The following MACROD2 variants were observed in gnomAD, a reference collection of about 807,000 sequenced individuals.
MACROD2 encodes the protein mono-ADP ribosylhydrolase 2, also known as ADP-ribose glycohydrolase MACROD2.
A neutral mutation model predicts 70.4 loss-of-function variants in MACROD2; 36 were observed. That is an observed-to-expected ratio of 0.51 (90% CI 0.39 to 0.68). MACROD2 has a LOEUF of 0.68. MACROD2 is among the 30% of genes least tolerant of loss of function. The pLI is 0.00. For missense variants in MACROD2, 496 were observed against 538.4 expected (o/e 0.92, Z 0.78); for synonymous variants, 172 against 178.8 (o/e 0.96, Z 0.30).
At chr20:15,664,959 T>G (rs565311284) in intron 8 of MACROD2, among the ~76,000 whole-genome samples, 3 of 152,200 alleles carry the variant, frequency 2.0e-5, no homozygotes, top group Non-Finnish European at 4.4e-5. Flanking sequence ...TGCACTGTTA[T>G]GATAGGGCAT....
intron 9 of MACROD2, among the ~76,000 whole-genome samples, chr20:15,865,648 G>C (rs1160834198): frequency 6.6e-6 from 1 of 152,134 alleles, no homozygotes; most frequent in East Asian, 1.9e-4. Flanking sequence ...GGGAAAATTG[G>C]GTTCAGATAT....
chr20:14,640,245 A>G (rs1358963530), intron 4 of MACROD2, among the ~76,000 whole-genome samples: 1 of 152,230 alleles, frequency 6.6e-6, no homozygotes, highest in African/African-American at 2.4e-5. Flanking sequence ...ACTGATGGGT[A>G]TAAGTGAAAT....
intron 5 of MACROD2, among the ~76,000 whole-genome samples, chr20:14,705,244 G>C (rs930526366): frequency 6.6e-6 from 1 of 151,784 alleles, no homozygotes; most frequent in Non-Finnish European, 1.5e-5. Flanking sequence ...ACATCTCTCC[G>C]TTCGTCTCAC....
chr20:15,156,057 A>G lies in MACROD2; in HGVS notation c.419-73883A>G, dbSNP rs1286090879. Reference sequence around the variant, plus strand: ...TTTGCTGCTTTGATAAAATCTCCAGATGATGGTACTTACACAGGTGCAATA... The same window carrying G: ...TTTGCTGCTTTGATAAAATCTCCAGGTGATGGTACTTACACAGGTGCAATA... On this transcript the variant is annotated intron_variant, in intron 5 of 17. Transcript: ENST00000684519. 3.3e-5 allele frequency among the ~76,000 whole-genome samples: 5 copies of G among 152,302 alleles called. No individual in the cohort carries two copies. In the East Asian group the frequency reaches 7.7e-4, roughly 24 times the overall value.
At chr20:16,024,614 T>A (rs777524417) in intron 15 of MACROD2, among the ~76,000 whole-genome samples, 5 of 152,188 alleles carry the variant, frequency 3.3e-5, no homozygotes, top group Non-Finnish European at 5.9e-5. Context: ...GCCTTCTTTC[T>A]TTCTCTCAGG....
chr20:15,871,080 G>A (rs944287584), intron 9 of MACROD2, among the ~76,000 whole-genome samples: 3 of 150,130 alleles, frequency 2.0e-5, no homozygotes, highest in Non-Finnish European at 4.4e-5. Flanking sequence ...GGATGTTGAG[G>A]CAGGAGAATT....
intron 5 of MACROD2, among the ~76,000 whole-genome samples, chr20:15,022,221 T>C (rs2075193253): frequency 6.6e-6 from 1 of 152,194 alleles, no homozygotes; most frequent in South Asian, 2.1e-4. Context: ...ACATTGGTTG[T>C]ATCCCTATGT....
intron 8 of MACROD2, among the ~76,000 whole-genome samples, chr20:15,638,801 A>G (rs528699505): frequency 6.6e-6 from 1 of 152,304 alleles, no homozygotes; most frequent in South Asian, 2.1e-4. Context: ...TTAACTTTTC[A>G]CGGTTCAAGA....
intron 5 of MACROD2, among the ~76,000 whole-genome samples, chr20:15,005,273 A>C (rs1478828657): frequency 6.6e-6 from 1 of 152,148 alleles, no homozygotes; most frequent in Admixed American, 6.5e-5. Flanking sequence ...AAAGAATACA[A>C]CTTTTAACAC....
intron 6 of MACROD2, among the ~76,000 whole-genome samples, chr20:15,361,300 T>C (rs1255313779): frequency 1.3e-5 from 2 of 152,200 alleles, no homozygotes; most frequent in Admixed American, 1.3e-4. Flanking sequence ...CCAACTGCTA[T>C]AGCAACATTT....
intron 1 of MACROD2, among the ~76,000 whole-genome samples, chr20:13,997,929 A>C (rs1397435554): frequency 6.6e-6 from 1 of 152,150 alleles, no homozygotes; most frequent in Non-Finnish European, 1.5e-5. Flanking sequence ...GATGGGATGC[A>C]TGACCTTTTT....
intron 5 of MACROD2, among the ~76,000 whole-genome samples, chr20:15,122,046 T>G (rs2076034559): frequency 6.6e-6 from 1 of 152,102 alleles, no homozygotes. Context: ...TCCCATTGTT[T>G]TTAATGTGCT....
At chr20:14,983,829 G>T (rs552985494) in intron 5 of MACROD2, among the ~76,000 whole-genome samples, 6 of 152,180 alleles carry the variant, frequency 3.9e-5, no homozygotes, top group Non-Finnish European at 8.8e-5. Context: ...TCCAATAATG[G>T]TAAGTAGTAA....
chr20:14,317,960 G>A (rs2082627461), intron 3 of MACROD2, among the ~76,000 whole-genome samples: 1 of 152,316 alleles, frequency 6.6e-6, no homozygotes, highest in East Asian at 1.9e-4. Flanking sequence ...TAAGCCCACT[G>A]TATGTGTAAG....
At chr20:15,167,346 C>G (rs1344218245) in intron 5 of MACROD2, among the ~76,000 whole-genome samples, 1 of 152,030 alleles carries the variant, frequency 6.6e-6, no homozygotes, top group Non-Finnish European at 1.5e-5. Flanking sequence ...ACTCATAACC[C>G]CTACTTAGCA....
intron 5 of MACROD2, among the ~76,000 whole-genome samples, chr20:14,778,230 A>T (rs1287937490): frequency 1.3e-5 from 2 of 152,264 alleles, no homozygotes; most frequent in African/African-American, 4.8e-5. Context: ...GGCAGTAAAC[A>T]GCAGGCAAAC....
At chr20:15,393,091 C>T (rs560816334) in intron 6 of MACROD2, among the ~76,000 whole-genome samples, 3 of 151,988 alleles carry the variant, frequency 2.0e-5, no homozygotes, top group African/African-American at 4.8e-5. Context: ...CTAAGAGTGG[C>T]CTATAATTCT....
intron 5 of MACROD2, among the ~76,000 whole-genome samples, chr20:14,925,223 A>G (rs1022340190): frequency 2.0e-5 from 3 of 152,050 alleles, no homozygotes; most frequent in African/African-American, 4.8e-5. Flanking sequence ...GATTATGCTC[A>G]TTTTCAAATG....
rs139852786 is a variant in MACROD2 at position 14,833,121 on chromosome 20, G to C, written c.418+148162G>C. ...TTAGCATTAGTTAATTTTAGTTAAC[G>C]TAAGTGTAAATAGCCATATATAGCT... On this transcript the variant is annotated intron_variant, in intron 5 of 17. Coordinates refer to ENST00000684519, the MANE Select transcript of MACROD2 (RefSeq NM_001351661.2). 1.4e-3 allele frequency among the ~76,000 whole-genome samples: 211 copies of C among 152,266 alleles called. 2 individuals carry two copies. The highest frequency in any genetic ancestry group is 4.7e-3 in the African/African-American group (195 of 41,546).
Sources: allele counts gnomAD v4.1 joint callset (sites outside exome capture counted in the v4.1 genomes callset), GRCh38; gene constraint gnomAD v4.1.1; transcripts MANE v1.5; gene names NCBI Gene and HGNC (gene_info 2026-07-23, HGNC 2026-07-21).